Variants in SEC14L4 observed in about 807,000 individuals in gnomAD.
SEC14L4 encodes SEC14 like lipid binding 4.
SEC14L4 carries 42 observed loss-of-function variants against 55.1 expected under a neutral mutation model. The observed-to-expected ratio is 0.76, with a 90% confidence interval of 0.60 to 0.99. The LOEUF (loss-of-function observed/expected upper bound fraction) is 0.99, where lower values mean the gene tolerates loss of function less well. SEC14L4 is among the 50% of genes least tolerant of loss of function. The probability of loss-of-function intolerance (pLI) is 0.00; values close to 1 mark genes in which losing one functional copy is unlikely to be tolerated. For synonymous variants in SEC14L4, 206 were observed against 206.8 expected (o/e 1.00, Z 0.03); for missense variants, 445 against 512.1 (o/e 0.87, Z 1.27).
Position 30,495,946 on chromosome 22 carries a change from G to C in SEC14L4, c.156C>G (p.Ser52=). Residue 52 remains serine, a synonymous_variant, in exon 3 of 12, where the codon TCC becomes TCG. Coordinates refer to ENST00000255858, the MANE Select transcript of SEC14L4 (RefSeq NM_174977.4). ...LRARNFDLQK[S]EDMLRRHMEF... ...TCCTTACCCTTCGGAGCATGTCTTC[G>C]GATTTCTGCAGGTCAAAGTTTCGAG... 1 of 1,613,978 alleles carries C rather than the reference G, an allele frequency of 6.2e-7. No individual in the cohort carries two copies. Among genetic ancestry groups the C allele is most frequent in the Admixed American group, 1.7e-5 (1 of 59,998 alleles).
chr22:30,491,942 T>C lies in SEC14L4; in HGVS notation c.803A>G (p.Tyr268Cys). ...CAGCCTCACCTGCTCGCACAGGTAG[T>C]AGCTCTTGGGCACCTCACCCCCATA... ...INYGGEVPKSYYLCEQVRLQY... is the reference protein window; with the variant it reads ...INYGGEVPKSCYLCEQVRLQY... Residue 268 changes from tyrosine to cysteine, a missense_variant, in exon 10 of 12, where the codon TAC (tyrosine) becomes TGC (cysteine). Physicochemically the swap from Tyr to Cys is radical, Grantham distance 194 (BLOSUM62 -2). Coordinates refer to ENST00000255858, the MANE Select transcript of SEC14L4 (RefSeq NM_174977.4). 6.2e-7 allele frequency: 1 copy of C among 1,613,980 alleles called. No individual in the cohort carries two copies. Among genetic ancestry groups the C allele is most frequent in the Non-Finnish European group, 8.5e-7 (1 of 1,179,990 alleles).
intron 7 of SEC14L4, among the ~76,000 whole-genome samples, chr22:30,493,083 CAA>C (rs10593638): frequency 0.38 from 30,250 of 79,400 alleles, 2,589 homozygotes; most frequent in African/African-American, 0.42. Context: ...GATTCCATCT[CAA>C]AAAAAAAAAA....
chr22:30,495,080 T>G (rs892162037), intron 5 of SEC14L4, 119 bp from the exon 6 acceptor site: 5 of 1,041,862 alleles, frequency 4.8e-6, no homozygotes, highest in African/African-American at 1.6e-5. Flanking sequence ...GCCCACAGCG[T>G]TTTCCAGACA....
intron 2 of SEC14L4, among the ~76,000 whole-genome samples, chr22:30,502,535 T>C (rs1037187745): frequency 6.6e-6 from 1 of 152,176 alleles, no homozygotes; most frequent in Non-Finnish European, 1.5e-5. Flanking sequence ...AATTTTTCCC[T>C]AAGCTCTGGG....
At chr22:30,501,656 T>G (rs1344072928) in intron 2 of SEC14L4, among the ~76,000 whole-genome samples, 1 of 152,068 alleles carries the variant, frequency 6.6e-6, no homozygotes, top group Non-Finnish European at 1.5e-5. Context: ...CTGTAGTTAA[T>G]AATAATGTAT....
Position 30,490,063 on chromosome 22 carries a change from G to C in SEC14L4, c.*44C>G. ...TGGGAAGGCAGGGGTCAGAGGGGTG[G>C]GTGTGAAGGGGTTGGAGTGCACAGG... On this transcript the variant is annotated 3_prime_UTR_variant, in exon 12 of 12. Transcript: ENST00000255858. 9 of 1,605,828 alleles carry C rather than the reference G, an allele frequency of 5.6e-6. No individual in the cohort carries two copies. Among genetic ancestry groups the C allele is most frequent in the Non-Finnish European group, 7.7e-6 (9 of 1,175,076 alleles).
chr22:30,493,829 C>A (rs1305288369), intron 7 of SEC14L4, among the ~76,000 whole-genome samples: 2 of 152,110 alleles, frequency 1.3e-5, no homozygotes, highest in East Asian at 1.9e-4. Flanking sequence ...CATAGGGAAA[C>A]CCCATCTCTA....
chr22:30,495,169 C>A, intron 5 of SEC14L4, 85 bp downstream of exon 5: 4 of 1,330,598 alleles, frequency 3.0e-6, no homozygotes, highest in Non-Finnish European at 4.1e-6. Context: ...GTGCTGAGGG[C>A]TGGGGAGGGG....
At chr22:30,498,147 T>TTTTTTC in intron 2 of SEC14L4, among the ~76,000 whole-genome samples, 1 of 145,836 alleles carries the variant, frequency 6.9e-6, no homozygotes, top group Non-Finnish European at 1.5e-5. Context: ...TTTTTTTTTT[T>TTTTTTC]GAGACAGAGT....
Position 30,489,531 on chromosome 22 carries a change from C to T in SEC14L4, c.*576G>A, listed in dbSNP as rs1026341345. 3.1e-5 allele frequency: 14 copies of T among 447,410 alleles called. No individual in the cohort carries two copies. Among genetic ancestry groups the T allele is most frequent in the Middle Eastern group, 6.3e-4 (1 of 1,586 alleles). The allele number at this position is 447,410 out of a possible 1,614,324, so 27.7% of individuals were successfully genotyped here. ...CTGGGATTATAGGCGTGAGCCACCACGCCCAGTCCATTTCCAATTTTCCAT... is the reference window on the plus strand; with the variant it reads ...CTGGGATTATAGGCGTGAGCCACCATGCCCAGTCCATTTCCAATTTTCCAT... On this transcript the variant is annotated 3_prime_UTR_variant, in exon 12 of 12. Transcript: ENST00000255858.
intron 7 of SEC14L4, among the ~76,000 whole-genome samples, chr22:30,493,127 G>C (rs565254461): frequency 6.6e-6 from 1 of 151,538 alleles, no homozygotes; most frequent in South Asian, 2.1e-4. Flanking sequence ...AAAGAAAAAT[G>C]GCTGTCTCCC....
At chr22:30,501,937 G>A (rs898537967) in intron 2 of SEC14L4, among the ~76,000 whole-genome samples, 3 of 143,696 alleles carry the variant, frequency 2.1e-5, no homozygotes, top group African/African-American at 7.8e-5. Flanking sequence ...CATGATCTCC[G>A]CTCACTGCAA....
At chr22:30,495,519 G>A in intron 4 of SEC14L4, 64 bp downstream of exon 4, 1 of 1,609,530 alleles carries the variant, frequency 6.2e-7, no homozygotes, top group Non-Finnish European at 8.5e-7. Context: ...GCTGGACGTG[G>A]TAGGTGGGAG....
chr22:30,493,932 A>G (rs934012896), intron 7 of SEC14L4, among the ~76,000 whole-genome samples: 5 of 152,282 alleles, frequency 3.3e-5, no homozygotes, highest in Non-Finnish European at 7.4e-5. Flanking sequence ...TGAACCCAGG[A>G]GGCGGAGGTT....
Position 30,492,542 on chromosome 22 carries a change from G to A in SEC14L4, c.596C>T (p.Pro199Leu), listed in dbSNP as rs953843049. The A allele has an allele frequency of 1.9e-5, 30 of 1,613,350 alleles. No homozygotes were observed. Among genetic ancestry groups the A allele is most frequent in the Non-Finnish European group, 2.3e-5 (27 of 1,179,400 alleles). ...LIVIRAPKLF[P>L]VAFNLVKSFM... Reference sequence around the variant, plus strand: ...CGACTTGACCAAGTTGAAGGCCACGGGGAACAGTTTTGGGGCTGAAACACA... The same window carrying A: ...CGACTTGACCAAGTTGAAGGCCACGAGGAACAGTTTTGGGGCTGAAACACA... Residue 199 changes from proline to leucine, a missense_variant, in exon 8 of 12, where the codon CCC becomes CTC. Physicochemically the swap from Pro to Leu is moderately conservative, Grantham distance 98. Coordinates refer to ENST00000255858, the MANE Select transcript of SEC14L4 (RefSeq NM_174977.4).
chr22:30,503,446 A>T (rs1212444473), intron 2 of SEC14L4, among the ~76,000 whole-genome samples: 3 of 151,894 alleles, frequency 2.0e-5, no homozygotes, highest in Non-Finnish European at 4.4e-5. Flanking sequence ...TATTTTTAGT[A>T]GAGACAGGGT....
chr22:30,505,185 CAA>C (rs1936452670), intron 1 of SEC14L4, among the ~76,000 whole-genome samples: 1 of 150,560 alleles, frequency 6.6e-6, no homozygotes, highest in East Asian at 1.9e-4. Context: ...GAACAAATCA[CAA>C]AGAGAAGCCA....
intron 2 of SEC14L4, among the ~76,000 whole-genome samples, chr22:30,496,703 G>GT (rs560641632): frequency 3.9e-5 from 6 of 152,142 alleles, no homozygotes; most frequent in African/African-American, 1.4e-4. Context: ...CTGAGCCTTA[G>GT]TTTTTTAATC....
intron 2 of SEC14L4, among the ~76,000 whole-genome samples, chr22:30,500,521 C>T (rs1569246319): frequency 6.6e-6 from 1 of 152,062 alleles, no homozygotes; most frequent in Middle Eastern, 3.4e-3. Context: ...CATGCACCAA[C>T]ACACCCGGCT....
Sources: gnomAD v4.1 joint callset for allele counts (sites outside exome capture counted in the v4.1 genomes callset) on GRCh38, gnomAD v4.1.1 for gene constraint, MANE v1.5 for transcripts, NCBI Gene and HGNC (gene_info 2026-07-23, HGNC 2026-07-21) for gene names.